PTK7: variants seen among roughly 807,000 people sequenced by gnomAD.
The protein encoded by PTK7 is protein tyrosine kinase 7 (inactive).
A neutral mutation model predicts 116.6 loss-of-function variants in PTK7; 39 were observed. That is an observed-to-expected ratio of 0.33 (90% CI 0.26 to 0.44). PTK7 has a LOEUF of 0.44. Among genes scored for constraint, PTK7 ranks in the 20% least tolerant of loss-of-function variants. The pLI is 1.00. For synonymous variants in PTK7, 546 were observed against 563.6 expected (o/e 0.97, Z 0.44); for missense variants, 1,169 against 1,425.6 (o/e 0.82, Z 2.90).
intron 1 of PTK7, among the ~76,000 whole-genome samples, chr6:43,105,493 T>C (rs988415379): frequency 6.8e-6 from 1 of 146,982 alleles, no homozygotes. Context: ...ATAGCAGATA[T>C]TAGAGGGTGA....
intron 1 of PTK7, among the ~76,000 whole-genome samples, chr6:43,127,652 G>C (rs183901033): frequency 3.9e-5 from 6 of 152,186 alleles, no homozygotes; most frequent in African/African-American, 9.6e-5. Context: ...ACATGGGGCC[G>C]GGTGCGGTGG....
intron 1 of PTK7, among the ~76,000 whole-genome samples, chr6:43,114,991 G>A (rs1249841673): frequency 6.6e-6 from 1 of 151,076 alleles, no homozygotes; most frequent in South Asian, 2.1e-4. Context: ...GCAGTGAGCC[G>A]AGATCTTGCC....
In PTK7 at chr6:43,151,569, G is replaced by T. The variant is rs188000828; in HGVS notation, c.2721+4871G>T. On this transcript the variant is annotated intron_variant, in intron 17 of 19. Coordinates refer to ENST00000230419, the MANE Select transcript of PTK7 (RefSeq NM_002821.5). ...TTTTTCGGAGACGGAGTCTCACTCCGTCGCCAGGCTGGAGTGTGGTGGCGC... is the reference window on the plus strand; with the variant it reads ...TTTTTCGGAGACGGAGTCTCACTCCTTCGCCAGGCTGGAGTGTGGTGGCGC... 7.0e-3 allele frequency among the ~76,000 whole-genome samples: 919 copies of T among 130,734 alleles called. 5 individuals carry two copies. The highest frequency in any genetic ancestry group is 0.012 in the Middle Eastern group (2 of 162). The allele number at this position is 130,734 out of a possible 152,430, so 85.8% of individuals were successfully genotyped here.
rs762588436 is a variant in PTK7, at chr6:43,129,708, A to G, written c.368-19A>G. 1 of 1,611,938 alleles carries G rather than the reference A, an allele frequency of 6.2e-7. No individual in the cohort carries two copies. The highest frequency in any genetic ancestry group is 8.5e-7 in the Non-Finnish European group (1 of 1,178,244). ...TTGCCCTGCTCTGCCCCTCACTGCA[A>G]CCGTGGCCTCTGCTACAGGGATTGA... On this transcript the variant is annotated intron_variant, in intron 2 of 19. Transcript: ENST00000230419. The surrounding 1 kb of genome is among the most constrained non-coding windows in gnomAD (Gnocchi z 4.5).
In PTK7 at chr6:43,076,537, C is replaced by T. The variant is rs749222794; in HGVS notation, c.49C>T (p.Leu17Phe). The change falls in exon 1 of 20, where the codon CTC becomes TTC. Residue 17 changes from leucine to phenylalanine, a missense_variant. This residue lies in a region of PTK7 where 487 missense variants were observed against 549.8 expected (regional missense o/e 0.89). Coordinates refer to ENST00000230419, the MANE Select transcript of PTK7 (RefSeq NM_002821.5). This position sits in a 1 kb window ranked among gnomAD's most constrained non-coding sequence, Gnocchi z 5.7. The part of the protein sequence containing the change: ...SPARPRRLPL[L>F]SVLLLPLLGG... ...GGCCAGACCCCGCCGGTTGCCTCTG[C>T]TCAGCGTCCTGCTGCTGCCGCTGCT... is the stretch of plus-strand genomic sequence containing the variant. 4 of 1,579,776 alleles carry T rather than the reference C, an allele frequency of 2.5e-6. No homozygotes were observed. The highest frequency in any genetic ancestry group is 2.3e-5 in the South Asian group (2 of 87,448).
chr6:43,092,734 A>G (rs987920101), intron 1 of PTK7, among the ~76,000 whole-genome samples: 4 of 152,174 alleles, frequency 2.6e-5, no homozygotes, highest in African/African-American at 4.8e-5. Flanking sequence ...AAAGTTGGCT[A>G]TAACTGTGAT....
chr6:43,157,335 T>C (rs1342332530), intron 17 of PTK7, among the ~76,000 whole-genome samples: 1 of 1,212 alleles, frequency 8.3e-4, no homozygotes, highest in Non-Finnish European at 2.4e-3. Context: ...GCTATATATA[T>C]ATATATATAT....
At chr6:43,151,677 C>T (rs1299759963) in intron 17 of PTK7, among the ~76,000 whole-genome samples, 2 of 148,980 alleles carry the variant, frequency 1.3e-5, no homozygotes, top group Non-Finnish European at 1.5e-5. Context: ...GCTGGGACTA[C>T]AGGCGCCCGC....
intron 1 of PTK7, among the ~76,000 whole-genome samples, chr6:43,113,588 G>T (rs1466350217): frequency 6.6e-6 from 1 of 152,158 alleles, no homozygotes; most frequent in Non-Finnish European, 1.5e-5. Context: ...CACAGTCAGA[G>T]CCCGGGCCTG....
intron 1 of PTK7, among the ~76,000 whole-genome samples, chr6:43,117,416 A>G (rs527300935): frequency 1.3e-5 from 2 of 152,334 alleles, no homozygotes; most frequent in South Asian, 4.1e-4. Context: ...GAAACACAAT[A>G]GATTGGTTGT....
At position 43,076,413 on chromosome 6, in the gene PTK7, G is replaced by T. The variant is rs1052349261; in HGVS notation, c.-76G>T. ...CGGCGCCCGCGCTCCGGTGCGCTCCGCCTCCTGTGCCCGCCGCGGAGCGCA... is the reference window on the plus strand; with the variant it reads ...CGGCGCCCGCGCTCCGGTGCGCTCCTCCTCCTGTGCCCGCCGCGGAGCGCA... On this transcript the variant is annotated 5_prime_UTR_variant, in exon 1 of 20. Coordinates refer to ENST00000230419, the MANE Select transcript of PTK7 (RefSeq NM_002821.5). This position sits in a 1 kb window ranked among gnomAD's most constrained non-coding sequence, Gnocchi z 5.7. 1.6e-6 allele frequency: 2 copies of T among 1,240,008 alleles called. No individual in the cohort carries two copies. Among genetic ancestry groups the T allele is most frequent in the African/African-American group, 1.6e-5 (1 of 62,576 alleles). The allele number at this position is 1,240,008 out of a possible 1,614,324, so 76.8% of individuals were successfully genotyped here.
In PTK7 at chr6:43,130,555, G is replaced by A; in HGVS notation, c.706G>A (p.Val236Ile). ...RVVLAPQDVV[V>I]ARYEEAMFHC... ...GGTGCTGGCACCCCAGGACGTGGTA[G>A]TAGCGAGGTATGAGGAGGCCATGTT... Residue 236 changes from valine to isoleucine, a missense_variant, in exon 5 of 20, where the codon GTA becomes ATA. Around this residue, in one of 3 missense-constraint regions of PTK7, gnomAD observed 487 missense variants for 549.8 expected, o/e 0.89. Transcript: ENST00000230419. 4.3e-6 allele frequency: 7 copies of A among 1,614,168 alleles called. No individual in the cohort carries two copies. The highest frequency in any genetic ancestry group is 5.1e-6 in the Non-Finnish European group (6 of 1,180,014).
At chr6:43,128,428 C>T (rs1009556040) in intron 1 of PTK7, among the ~76,000 whole-genome samples, 3 of 152,228 alleles carry the variant, frequency 2.0e-5, no homozygotes, top group Non-Finnish European at 4.4e-5. Context: ...CTCTAGTCTT[C>T]AGACCTCTTG....
chr6:43,077,002 T>TTGGGGCCCGATGCCGGACAGACC (rs1156276249), intron 1 of PTK7: 2 of 1,455,084 alleles, frequency 1.4e-6, no homozygotes, highest in African/African-American at 2.9e-5. Context: ...AGTTGCTGGT[T>TTGGGGCCCGATGCCGGACAGACC]TGGGGCCCGA....
In PTK7 at chr6:43,150,476, G is replaced by A. The variant is rs547044713; in HGVS notation, c.2721+3778G>A. Among the ~76,000 whole-genome samples, 4 of 152,284 alleles carry A rather than the reference G, an allele frequency of 2.6e-5. No homozygotes were observed. The East Asian group carries it at 7.7e-4, about 29-fold the overall frequency. ...CACCACCTCTCTGGAAAGATAGCAA[G>A]TCAGTTACCATGCCAAGTCCACCTT... On this transcript the variant is annotated intron_variant, in intron 17 of 19. Transcript: ENST00000230419.
At chr6:43,138,724 C>T in intron 7 of PTK7, 125 bp from the exon 8 acceptor site, 1 of 1,338,044 alleles carries the variant, frequency 7.5e-7, no homozygotes. Flanking sequence ...GAAACTCCTG[C>T]CATCTGAGGA....
At chr6:43,150,480 G>T (rs978999420) in intron 17 of PTK7, among the ~76,000 whole-genome samples, 1 of 152,158 alleles carries the variant, frequency 6.6e-6, no homozygotes, top group Non-Finnish European at 1.5e-5. Flanking sequence ...TAGCAAGTCA[G>T]TTACCATGCC....
At chr6:43,083,266 G>A (rs1431544504) in intron 1 of PTK7, among the ~76,000 whole-genome samples, 1 of 152,258 alleles carries the variant, frequency 6.6e-6, no homozygotes, top group Non-Finnish European at 1.5e-5. Flanking sequence ...CCAGAGCCAC[G>A]TGGTGGGGTT....
At chr6:43,123,388 G>A (rs1452690154) in intron 1 of PTK7, among the ~76,000 whole-genome samples, 1 of 152,212 alleles carries the variant, frequency 6.6e-6, no homozygotes, top group Non-Finnish European at 1.5e-5. Context: ...TGAGAGATGG[G>A]TAGTTGAGTG....
Sources: allele counts gnomAD v4.1 joint callset (sites outside exome capture counted in the v4.1 genomes callset), GRCh38; gene constraint gnomAD v4.1.1; regional missense constraint gnomAD v4.1.1; non-coding constraint Gnocchi (gnomAD v3.1); transcripts MANE v1.5; gene names NCBI Gene and HGNC (gene_info 2026-07-23, HGNC 2026-07-21).